The following URI1 variants were observed in gnomAD, a reference collection of about 807,000 sequenced individuals.
URI1 encodes the protein URI1 prefoldin like chaperone.
A neutral mutation model predicts 60.2 loss-of-function variants in URI1; 39 were observed. The observed-to-expected ratio is 0.65, with a 90% CI of 0.50 to 0.85. URI1 has a LOEUF of 0.85. Ranked by LOEUF, URI1 falls within the 40% of genes least tolerant of loss-of-function variation. The probability of loss-of-function intolerance (pLI) is 0.00; values close to 1 mark genes in which losing one functional copy is unlikely to be tolerated. For missense variants in URI1, 691 were observed against 665.9 expected (o/e 1.04, Z -0.42); for synonymous variants, 251 against 236.8 (o/e 1.06, Z -0.55).
chr19:29,951,594 T>C (rs566793386), intron 1 of URI1, among the ~76,000 whole-genome samples: 1 of 151,984 alleles, frequency 6.6e-6, no homozygotes, highest in Non-Finnish European at 1.5e-5. Context: ...TTGCCTAGGC[T>C]GGAGTGCGGT....
chr19:29,974,027 AT>A (rs1345572235), intron 2 of URI1, among the ~76,000 whole-genome samples: 1 of 152,004 alleles, frequency 6.6e-6, no homozygotes, highest in Non-Finnish European at 1.5e-5. Flanking sequence ...TTGTTTGTGG[AT>A]TATTTGTAAT....
At chr19:29,941,729 TAA>T (rs200816846), upstream of URI1, among the ~76,000 whole-genome samples, 509 of 152,200 alleles carry the variant, frequency 3.3e-3, 2 homozygotes, top group East Asian at 0.018. Flanking sequence ...TTAATTTATA[TAA>T]GAGAAAATAC....
chr19:29,984,879 C>T (rs1489251318), intron 2 of URI1, among the ~76,000 whole-genome samples: 1 of 151,754 alleles, frequency 6.6e-6, no homozygotes, highest in Admixed American at 6.6e-5. Flanking sequence ...TCTAGCACTT[C>T]AGGAGGCTGA....
At chr19:29,927,105 C>T (rs891574693) in intron 1 of URI1, among the ~76,000 whole-genome samples, 9 of 152,082 alleles carry the variant, frequency 5.9e-5, no homozygotes, top group Non-Finnish European at 1.3e-4. Context: ...ACTGGACTTC[C>T]CAGGTGAGCA....
chr19:30,010,422 A>G (rs2056002975), intron 8 of URI1, among the ~76,000 whole-genome samples: 1 of 152,204 alleles, frequency 6.6e-6, no homozygotes, highest in East Asian at 1.9e-4. Context: ...GATTAGCCAG[A>G]AAAAAAGGTC....
chr19:29,964,446 GTTTTTGTTTTTTGTTTTGT>G (rs1285105874), intron 1 of URI1, among the ~76,000 whole-genome samples: 2 of 140,260 alleles, frequency 1.4e-5, no homozygotes, highest in African/African-American at 5.3e-5. Context: ...GGTTTCTTTT[GTTTTTGTTTTTTGTTTTGT>G]TTTTTTTTTT....
intron 1 of URI1, among the ~76,000 whole-genome samples, chr19:29,946,934 G>A (rs1341210730): frequency 6.6e-6 from 1 of 152,176 alleles, no homozygotes; most frequent in African/African-American, 2.4e-5. Context: ...CTTACCTTGG[G>A]TGTTTGGTAG....
At chr19:29,956,177 C>T (rs574123996) in intron 1 of URI1, among the ~76,000 whole-genome samples, 3 of 143,302 alleles carry the variant, frequency 2.1e-5, no homozygotes, top group South Asian at 2.1e-4. Flanking sequence ...TAGAGATGAG[C>T]GCCATGTTGG....
intron 1 of URI1, among the ~76,000 whole-genome samples, chr19:29,935,181 TTA>T (rs981238770): frequency 7.9e-5 from 12 of 152,214 alleles, no homozygotes; most frequent in African/African-American, 2.7e-4. Flanking sequence ...TGTATATTTT[TTA>T]GTTATTTTCT....
intron 1 of URI1, among the ~76,000 whole-genome samples, chr19:29,951,414 C>CCT (rs953002578): frequency 1.3e-5 from 2 of 152,106 alleles, no homozygotes; most frequent in African/African-American, 4.8e-5. Flanking sequence ...TCTAGCACCC[C>CCT]CCCCTTTAGT....
intron 4 of URI1, among the ~76,000 whole-genome samples, chr19:29,999,828 C>T (rs162938): frequency 0.01 from 1,577 of 151,856 alleles, 37 homozygotes; most frequent in African/African-American, 0.036. Flanking sequence ...CATCTTAAGA[C>T]GTTATTTAAA....
chr19:29,975,032 GT>G (rs2055503343), intron 2 of URI1, among the ~76,000 whole-genome samples: 1 of 151,786 alleles, frequency 6.6e-6, no homozygotes, highest in Admixed American at 6.6e-5. Context: ...GATCATTGTG[GT>G]AGTGAACATA....
Position 29,948,184 on chromosome 19 carries a change from G to C in URI1, c.117+5520G>C, listed in dbSNP as rs568102406. Among the ~76,000 whole-genome samples the C allele has an allele frequency of 1.4e-3, 212 of 152,096 alleles. 1 individual carries two copies. The highest frequency in any genetic ancestry group is 3.2e-3 in the Middle Eastern group (1 of 316). ...TGACTTTGTGTTATCTTGGTACCTG[G>C]TACATGGTGGTGTAGTTTTAGTTGT... On this transcript the variant is annotated intron_variant, in intron 1 of 10. Coordinates refer to ENST00000392271, the MANE Select transcript of URI1 (RefSeq NM_003796.3).
At chr19:29,933,824 TA>T (rs56078950) in intron 1 of URI1, among the ~76,000 whole-genome samples, 141,412 of 148,626 alleles carry the variant, frequency 0.95, 67,290 homozygotes, top group East Asian at 1. Context: ...TCGATCTCTT[TA>T]AAAAAAAAAA....
At chr19:29,997,602 CT>C (rs945638277) in intron 4 of URI1, among the ~76,000 whole-genome samples, 1 of 151,460 alleles carries the variant, frequency 6.6e-6, no homozygotes, top group Admixed American at 6.6e-5. Flanking sequence ...TTTACTCTTT[CT>C]TTTTTTTCCA....
chr19:29,953,591 TAGGCAATGCAGTAGACAATGGAAGGA>T (rs1375226556), intron 1 of URI1, among the ~76,000 whole-genome samples: 1 of 152,224 alleles, frequency 6.6e-6, no homozygotes, highest in African/African-American at 2.4e-5. Flanking sequence ...TGCAATATCC[TAGGCAATGCAGTAGACAATGGAAGGA>T]TGATATTTTG....
At chr19:29,956,555 G>C (rs774993823) in intron 1 of URI1, 13 of 1,524,512 alleles carry the variant, frequency 8.5e-6, no homozygotes, top group Non-Finnish European at 1.2e-5. Flanking sequence ...TTTCCTTCAA[G>C]GATTAATTCA....
At chr19:29,971,361 T>A (rs2055457859) in intron 2 of URI1, 134 bp downstream of exon 2, 1 of 791,522 alleles carries the variant, frequency 1.3e-6, no homozygotes, top group East Asian at 2.7e-5. Flanking sequence ...AGTCTCCATT[T>A]TGAATGCCTT....
intron 2 of URI1, among the ~76,000 whole-genome samples, chr19:29,982,779 T>A (rs535960153): frequency 6.6e-6 from 1 of 152,324 alleles, no homozygotes; most frequent in East Asian, 1.9e-4. Flanking sequence ...CTTGAAAGTT[T>A]TGGAATTGAT....
Sources: allele counts gnomAD v4.1 joint callset (sites outside exome capture counted in the v4.1 genomes callset), GRCh38; gene constraint gnomAD v4.1.1; transcripts MANE v1.5; gene names NCBI Gene and HGNC (gene_info 2026-07-23, HGNC 2026-07-21).